Variants in NAV2 observed in about 807,000 individuals in gnomAD.
NAV2 encodes the protein neuron navigator 2, also known as helicase, APC down-regulated 1.
Under a neutral mutation model 223.2 loss-of-function variants are expected in NAV2, and 54 were observed. That is an observed-to-expected ratio of 0.24 (90% CI 0.19 to 0.30). NAV2 has a LOEUF of 0.30. Ranked by LOEUF, NAV2 falls within the 10% of genes least tolerant of loss-of-function variation. The probability of loss-of-function intolerance (pLI) is 1.00; values close to 1 mark genes in which losing one functional copy is unlikely to be tolerated. For missense variants in NAV2, 2,806 were observed against 3,147.5 expected (o/e 0.89, Z 2.60); for synonymous variants, 1,279 against 1,239.3 (o/e 1.03, Z -0.67).
At chr11:20,019,977 A>G (rs1248548992) in intron 11 of NAV2, among the ~76,000 whole-genome samples, 2 of 147,866 alleles carry the variant, frequency 1.4e-5, no homozygotes, top group Admixed American at 1.4e-4. Flanking sequence ...GGAGTGGAGG[A>G]GAATATGGGC....
intron 1 of NAV2, among the ~76,000 whole-genome samples, chr11:19,608,112 G>A (rs1487212): frequency 0.99 from 150,066 of 152,336 alleles, 73,945 homozygotes; most frequent in Middle Eastern, 1. Context: ...TTCATCTCTG[G>A]CCTCAAAGAC....
At chr11:20,109,838 C>G (rs146179648) in intron 36 of NAV2, among the ~76,000 whole-genome samples, 2 of 152,348 alleles carry the variant, frequency 1.3e-5, no homozygotes, top group African/African-American at 4.8e-5. Context: ...TAAAGGCCTC[C>G]CCTGCCCTGG....
In NAV2 at chr11:19,510,080, C is replaced by A. The variant is rs187486677; in HGVS notation, c.75+159053C>A. Among the ~76,000 whole-genome samples, 32 of 152,166 alleles carry A rather than the reference C, an allele frequency of 2.1e-4. No individual in the cohort carries two copies. The East Asian group carries it at 6.0e-3, about 28-fold the overall frequency. On this transcript the variant is annotated intron_variant, in intron 1 of 37. Transcript: ENST00000360655. Reference sequence around the variant, plus strand: ...AGCTATTATGCAAGTTGGAGAAATACCAGAAGAACCTTTTAAATGGAAAAC... The same window carrying A: ...AGCTATTATGCAAGTTGGAGAAATAACAGAAGAACCTTTTAAATGGAAAAC...
intron 1 of NAV2, among the ~76,000 whole-genome samples, chr11:19,525,517 G>C (rs1391045421): frequency 6.6e-6 from 1 of 152,194 alleles, no homozygotes; most frequent in East Asian, 1.9e-4. Flanking sequence ...CTTTACGAAG[G>C]TGTTGACAAG....
intron 1 of NAV2, chr11:19,503,799 G>C (rs1221041848): frequency 6.6e-6 from 1 of 152,192 alleles, no homozygotes; most frequent in African/African-American, 2.4e-5. Flanking sequence ...TCAAGTCTTT[G>C]AGGTGAATGT....
intron 31 of NAV2, 76 bp downstream of exon 31, chr11:20,097,821 T>A: frequency 7.4e-7 from 1 of 1,360,464 alleles, no homozygotes; most frequent in Non-Finnish European, 9.9e-7. Context: ...TAGGCACTTG[T>A]GGCCCCAGTT....
chr11:19,953,931 T>G (rs2047612642), intron 10 of NAV2, among the ~76,000 whole-genome samples: 1 of 152,208 alleles, frequency 6.6e-6, no homozygotes, highest in African/African-American at 2.4e-5. Flanking sequence ...GCACTCATTA[T>G]TTTTCTAAAC....
intron 1 of NAV2, among the ~76,000 whole-genome samples, chr11:19,821,045 G>A (rs950315803): frequency 1.3e-5 from 2 of 152,140 alleles, no homozygotes; most frequent in African/African-American, 2.4e-5. Context: ...GGCAAATCAC[G>A]AGGTCAGAAG....
At chr11:19,628,287 G>C (rs1424824477) in intron 1 of NAV2, among the ~76,000 whole-genome samples, 1 of 152,164 alleles carries the variant, frequency 6.6e-6, no homozygotes, top group African/African-American at 2.4e-5. Flanking sequence ...CCTGGGTGAG[G>C]AGCAAGGCTC....
At chr11:19,869,050 C>T (rs2062283138) in intron 4 of NAV2, 53 bp downstream of exon 4, 1 of 1,513,684 alleles carries the variant, frequency 6.6e-7, no homozygotes, top group South Asian at 1.1e-5. Flanking sequence ...GAAATGCCCA[C>T]CTGTTACTTA....
At chr11:20,098,614 A>G (rs1229334192) in intron 31 of NAV2, among the ~76,000 whole-genome samples, 3 of 152,176 alleles carry the variant, frequency 2.0e-5, no homozygotes, top group African/African-American at 7.2e-5. Context: ...TAGAATTTCC[A>G]CAAGCACCCC....
chr11:19,574,619 C>A (rs1055405263), intron 1 of NAV2, among the ~76,000 whole-genome samples: 2 of 152,162 alleles, frequency 1.3e-5, no homozygotes, highest in African/African-American at 4.8e-5. Flanking sequence ...TTCCTTCCAT[C>A]CCGTTTATTT....
chr11:19,859,778 C>G (rs1423450890), intron 3 of NAV2, among the ~76,000 whole-genome samples: 15 of 149,032 alleles, frequency 1.0e-4, no homozygotes, highest in Non-Finnish European at 1.8e-4. Context: ...GGCTGACCCC[C>G]CCACCTCCCT....
intron 1 of NAV2, among the ~76,000 whole-genome samples, chr11:19,576,531 T>A (rs1006872659): frequency 6.6e-6 from 1 of 152,184 alleles, no homozygotes. Context: ...AGATAGTTAT[T>A]TGGGGATATT....
chr11:19,652,393 G>C (rs1182758012), intron 1 of NAV2, among the ~76,000 whole-genome samples: 2 of 152,138 alleles, frequency 1.3e-5, no homozygotes, highest in East Asian at 3.9e-4. Flanking sequence ...TGTGGGCCAA[G>C]GGTCAGCTGT....
At chr11:19,461,665 C>T (rs1478144927) in intron 1 of NAV2, among the ~76,000 whole-genome samples, 3 of 152,116 alleles carry the variant, frequency 2.0e-5, no homozygotes, top group Non-Finnish European at 4.4e-5. Context: ...AGCTTGAAAT[C>T]CATTAGTGAG....
chr11:19,702,104 A>T (rs2049525905), intron 1 of NAV2, among the ~76,000 whole-genome samples: 1 of 152,202 alleles, frequency 6.6e-6, no homozygotes. Flanking sequence ...TTAGTTATAG[A>T]GGCAAGTTGA....
intron 1 of NAV2, among the ~76,000 whole-genome samples, chr11:19,476,099 C>T (rs1045270839): frequency 3.3e-5 from 5 of 152,136 alleles, no homozygotes; most frequent in South Asian, 2.1e-4. Context: ...CTCAGCCTCC[C>T]GAGTAGCTGG....
intron 17 of NAV2, among the ~76,000 whole-genome samples, chr11:20,051,723 C>T (rs2058022405): frequency 3.9e-5 from 6 of 152,264 alleles, no homozygotes; most frequent in African/African-American, 1.4e-4. Context: ...GATTTGTAAG[C>T]TAGGACAAGA....
Sources: gnomAD v4.1 joint callset for allele counts (sites outside exome capture counted in the v4.1 genomes callset) on GRCh38, gnomAD v4.1.1 for gene constraint, MANE v1.5 for transcripts, NCBI Gene and HGNC (gene_info 2026-07-23, HGNC 2026-07-21) for gene names.